PLEKHA8: variants seen among roughly 807,000 people sequenced by gnomAD.
The protein encoded by PLEKHA8 is pleckstrin homology domain containing A8, also known as pleckstrin homology domain-containing family A member 8.
PLEKHA8 carries 36 observed loss-of-function variants against 68.2 expected under a neutral mutation model. The ratio of observed to expected loss-of-function variants is 0.53; its 90% CI spans 0.40 to 0.70. The LOEUF (loss-of-function observed/expected upper bound fraction) is 0.70, where lower values mean the gene tolerates loss of function less well. Ranked by LOEUF, PLEKHA8 falls within the 30% of genes least tolerant of loss-of-function variation. The probability of loss-of-function intolerance (pLI) is 0.00; values close to 1 mark genes in which losing one functional copy is unlikely to be tolerated. For synonymous variants in PLEKHA8, 211 were observed against 216.1 expected (o/e 0.98, Z 0.20); for missense variants, 505 against 615.4 (o/e 0.82, Z 1.90).
At position 30,080,269 on chromosome 7, in the gene PLEKHA8, C is replaced by T; in HGVS notation, c.*1482C>T. On this transcript the variant is annotated 3_prime_UTR_variant, in exon 14 of 14. Transcript: ENST00000449726. ...TTCTGCACAGTGTGATGCTCCAACCCTGGCCCTAGTCTCAGTAGACCATGC... is the reference window on the plus strand; with the variant it reads ...TTCTGCACAGTGTGATGCTCCAACCTTGGCCCTAGTCTCAGTAGACCATGC... 4.1e-6 allele frequency: 4 copies of T among 985,384 alleles called. No individual in the cohort carries two copies. Among genetic ancestry groups the T allele is most frequent in the Non-Finnish European group, 4.8e-6 (4 of 829,918 alleles). The allele number at this position is 985,384 out of a possible 1,614,324, so 61.0% of individuals were successfully genotyped here.
intron 13 of PLEKHA8, chr7:30,117,911 A>T (rs1435011834): frequency 8.5e-7 from 1 of 1,172,584 alleles, no homozygotes; most frequent in African/African-American, 1.5e-5. Context: ...CCAAGACTTT[A>T]TTCATATTTT....
intron 1 of PLEKHA8, among the ~76,000 whole-genome samples, chr7:30,043,041 A>T (rs1254255764): frequency 6.7e-6 from 1 of 149,966 alleles, no homozygotes; most frequent in Non-Finnish European, 1.5e-5. Flanking sequence ...TCTCACTCTC[A>T]CTCAGGTTGG....
At position 30,079,996 on chromosome 7, in the gene PLEKHA8, T is replaced by C; in HGVS notation, c.*1209T>C. On this transcript the variant is annotated 3_prime_UTR_variant, in exon 14 of 14. Coordinates refer to ENST00000449726, the MANE Select transcript of PLEKHA8 (RefSeq NM_001197026.2). ...AGGTTCATTCAGCAGCATTCTTAATTGAGCCAGCATTGACACCCAGCCAGC... is the reference window on the plus strand; with the variant it reads ...AGGTTCATTCAGCAGCATTCTTAATCGAGCCAGCATTGACACCCAGCCAGC... 1 of 985,282 alleles carries C rather than the reference T, an allele frequency of 1.0e-6. No individual in the cohort carries two copies. Among genetic ancestry groups the C allele is most frequent in the Non-Finnish European group, 1.2e-6 (1 of 829,898 alleles). 61.0% of individuals were successfully genotyped at this position (985,282 alleles called of 1,614,324 possible). A position where few individuals can be genotyped will look rare whatever the true frequency, so the allele number is the denominator to read the frequency against.
intron 9 of PLEKHA8, among the ~76,000 whole-genome samples, chr7:30,056,029 G>GC (rs1344615596): frequency 6.8e-6 from 1 of 146,504 alleles, no homozygotes; most frequent in Admixed American, 7.0e-5. Context: ...TGCAAGCTCC[G>GC]CCCCCCAGGT....
chr7:30,073,074 A>G (rs1794366292), intron 12 of PLEKHA8, among the ~76,000 whole-genome samples: 1 of 152,216 alleles, frequency 6.6e-6, no homozygotes. Flanking sequence ...TTTTTTCATA[A>G]TTAAAATTAT....
At chr7:30,076,898 T>G (rs769855742) in intron 13 of PLEKHA8, among the ~76,000 whole-genome samples, 2 of 152,198 alleles carry the variant, frequency 1.3e-5, no homozygotes, top group African/African-American at 4.8e-5. Context: ...GGAATTTGAC[T>G]TATTTATCAG....
chr7:30,037,892 A>AC, intron 1 of PLEKHA8, among the ~76,000 whole-genome samples: 1 of 152,082 alleles, frequency 6.6e-6, no homozygotes, highest in Admixed American at 6.5e-5. Context: ...TCATCCCATC[A>AC]CCTAGGTATT....
In PLEKHA8 at chr7:30,083,869, A is replaced by G; in HGVS notation, c.*5082A>G. On this transcript the variant is annotated 3_prime_UTR_variant, in exon 14 of 14. Transcript: ENST00000449726. The stretch of plus-strand genomic sequence containing the variant: ...CTGGGATGGTTGATACCCCTTACAA[A>G]GTCGATCTTACCCACACAGACTCCT... The G allele has an allele frequency of 2.0e-6, 2 of 985,398 alleles. No homozygotes were observed. The highest frequency in any genetic ancestry group is 3.5e-5 in the African/African-American group (2 of 57,338). 61.0% of individuals were successfully genotyped at this position (985,398 alleles called of 1,614,324 possible).
Position 30,067,976 on chromosome 7 carries a change from C to T in PLEKHA8, c.1300+5234C>T, listed in dbSNP as rs1425891099. On this transcript the variant is annotated intron_variant, in intron 12 of 13. Coordinates refer to ENST00000449726, the MANE Select transcript of PLEKHA8 (RefSeq NM_001197026.2). ...TCTCTATCATATGGAAAATTATGTC[C>T]AGACAGCACACCAGAAAAAGGAGGA... Among the ~76,000 whole-genome samples the T allele has an allele frequency of 2.0e-5, 3 of 152,178 alleles. No homozygotes were observed. In the East Asian group the frequency reaches 5.8e-4, roughly 29 times the overall value.
intron 1 of PLEKHA8, 32 bp from the exon 2 acceptor site, chr7:30,045,053 A>G (rs939347968): frequency 1.2e-5 from 18 of 1,469,516 alleles, no homozygotes; most frequent in Non-Finnish European, 1.6e-5. Flanking sequence ...CACAGGCAGT[A>G]ATTGCAATGA....
chr7:30,032,397 A>G (rs1790734344), intron 1 of PLEKHA8, among the ~76,000 whole-genome samples: 1 of 152,258 alleles, frequency 6.6e-6, no homozygotes, highest in Admixed American at 6.5e-5. Context: ...AAAATTTATT[A>G]GTACTTACAA....
At chr7:30,065,165 G>T (rs1793742461) in intron 12 of PLEKHA8, among the ~76,000 whole-genome samples, 1 of 152,146 alleles carries the variant, frequency 6.6e-6, no homozygotes. Flanking sequence ...ATGCTGCTTT[G>T]TGACTGCAAT....
chr7:30,073,563 TAAAA>T (rs35738941), intron 12 of PLEKHA8, among the ~76,000 whole-genome samples: 5 of 111,776 alleles, frequency 4.5e-5, no homozygotes, highest in Admixed American at 9.3e-5. Flanking sequence ...TTGTGTTTCT[TAAAA>T]AAAAAAAAAA....
At chr7:30,116,214 A>ATG (rs774672541) in intron 13 of PLEKHA8, among the ~76,000 whole-genome samples, 4 of 151,478 alleles carry the variant, frequency 2.6e-5, no homozygotes, top group Non-Finnish European at 4.4e-5. Flanking sequence ...ACATGTATAC[A>ATG]TATGTATATA....
chr7:30,113,604 C>G (rs938645733), intron 13 of PLEKHA8, among the ~76,000 whole-genome samples: 1 of 152,062 alleles, frequency 6.6e-6, no homozygotes, highest in Non-Finnish European at 1.5e-5. Flanking sequence ...AGATTCTTTC[C>G]TTACAATTCT....
At chr7:30,129,282 G>A (rs118087944) in exon 14 of PLEKHA8, 4 of 1,612,758 alleles carry the variant, frequency 2.5e-6, no homozygotes, top group Middle Eastern at 1.7e-4. Flanking sequence ...GAATGTGGGT[G>A]TAGACGGAAC....
In PLEKHA8 at chr7:30,028,579, C is replaced by T. The variant is rs1790386022; in HGVS notation, c.-184C>T. The T allele has an allele frequency of 9.9e-6, 4 of 402,370 alleles. No homozygotes were observed. The highest frequency in any genetic ancestry group is 1.7e-5 in the Non-Finnish European group (4 of 235,042). The allele number at this position is 402,370 out of a possible 1,614,324, so 24.9% of individuals were successfully genotyped here. The stretch of plus-strand genomic sequence containing the variant: ...GCTGGGCTTCAAGCGCCGAGGCCGC[C>T]GCAGTGACCCCGCCCCCGGGCCGAG... On this transcript the variant is annotated 5_prime_UTR_variant, in exon 1 of 14. Coordinates refer to ENST00000449726, the MANE Select transcript of PLEKHA8 (RefSeq NM_001197026.2).
At chr7:30,037,366 G>T (rs1279080473) in intron 1 of PLEKHA8, among the ~76,000 whole-genome samples, 2 of 151,850 alleles carry the variant, frequency 1.3e-5, no homozygotes. Context: ...ACAGGGTCTC[G>T]CTATGTTGCC....
At chr7:30,044,979 T>C in intron 1 of PLEKHA8, 106 bp from the exon 2 acceptor site, 1 of 628,234 alleles carries the variant, frequency 1.6e-6, no homozygotes. Context: ...AATGTAAAGC[T>C]CCTTGGAGCT....
Sources: gnomAD v4.1 joint callset for allele counts (sites outside exome capture counted in the v4.1 genomes callset) on GRCh38, gnomAD v4.1.1 for gene constraint, MANE v1.5 for transcripts, NCBI Gene and HGNC (gene_info 2026-07-23, HGNC 2026-07-21) for gene names.